Variants in DPP6 observed in about 807,000 individuals in gnomAD.
DPP6 encodes the protein A-type potassium channel modulatory protein DPP6.
Under a neutral mutation model 122.6 loss-of-function variants are expected in DPP6, and 69 were observed. The observed-to-expected ratio is 0.56, with a 90% confidence interval of 0.46 to 0.69. DPP6 has a LOEUF of 0.69. Ranked by LOEUF, DPP6 falls within the 30% of genes least tolerant of loss-of-function variation. The pLI is 0.00. For synonymous variants in DPP6, 418 were observed against 433.1 expected (o/e 0.97, Z 0.43); for missense variants, 928 against 1,116.9 (o/e 0.83, Z 2.41).
chr7:154,107,356 A>G (rs373837624), intron 1 of DPP6, among the ~76,000 whole-genome samples: 352 of 152,322 alleles, frequency 2.3e-3, no homozygotes, highest in African/African-American at 7.8e-3. Context: ...ATACCACATT[A>G]TGTCACTTGT....
At chr7:154,117,699 C>T (rs1442524804) in intron 1 of DPP6, among the ~76,000 whole-genome samples, 1 of 152,034 alleles carries the variant, frequency 6.6e-6, no homozygotes, top group Non-Finnish European at 1.5e-5. Context: ...GAGACTGCTG[C>T]TTAATGAGTG....
At chr7:153,876,404 TCACACACACACA>T in the DPP6 span, among the ~76,000 whole-genome samples, 2 of 150,660 alleles carry the variant, frequency 1.3e-5, no homozygotes, top group East Asian at 3.9e-4. Context: ...TGAAAACAAA[TCACACACACACA>T]CACACACACA....
At position 154,394,737 on chromosome 7, in the gene DPP6, G is replaced by A. The variant is rs537297341; in HGVS notation, c.244-51477G>A. Among the ~76,000 whole-genome samples, 40 of 152,160 alleles carry A rather than the reference G, an allele frequency of 2.6e-4. 1 individual carries two copies. The highest frequency in any genetic ancestry group is 1.9e-3 in the South Asian group (9 of 4,818). ...TCATAGTTTTAGATCTTACATTTAG[G>A]TCTTTGATCCATTTTGAGTTAATTT... On this transcript the variant is annotated intron_variant, in intron 1 of 25. Transcript: ENST00000377770.
At chr7:153,982,895 G>T (rs1037970852) in intron 1 of DPP6, among the ~76,000 whole-genome samples, 5 of 152,210 alleles carry the variant, frequency 3.3e-5, no homozygotes, top group African/African-American at 1.2e-4. Flanking sequence ...AGCAAAGATT[G>T]CTGCCTGCTT....
At chr7:153,926,732 A>G (rs1175720901) in intron 1 of DPP6, among the ~76,000 whole-genome samples, 4 of 152,042 alleles carry the variant, frequency 2.6e-5, no homozygotes, top group Non-Finnish European at 5.9e-5. Context: ...GCCGATTAGA[A>G]TTTCTCCCTA....
rs1798506171 is a variant in DPP6, at chr7:154,803,541, A to C, written c.1408-323A>C. Reference sequence around the variant, plus strand: ...TTAGATTTACAAATGAAAAAGGCCTATAAAGCATTGATTCTCCTCCTGAGA... The same window carrying C: ...TTAGATTTACAAATGAAAAAGGCCTCTAAAGCATTGATTCTCCTCCTGAGA... On this transcript the variant is annotated intron_variant, in intron 13 of 25. Transcript: ENST00000377770. Among the ~76,000 whole-genome samples the C allele has an allele frequency of 2.0e-5, 3 of 152,200 alleles. No individual in the cohort carries two copies. In the South Asian group the frequency reaches 6.2e-4, roughly 31 times the overall value.
At chr7:154,867,955 A>G (rs757272583) in intron 17 of DPP6, 40 bp from the exon 18 acceptor site, 8 of 1,553,292 alleles carry the variant, frequency 5.2e-6, no homozygotes, top group African/African-American at 2.7e-5. Context: ...TCCATGAGTG[A>G]CCACTGCATC....
chr7:154,347,810 TC>T (rs1810521749), intron 1 of DPP6, among the ~76,000 whole-genome samples: 1 of 152,294 alleles, frequency 6.6e-6, no homozygotes, highest in Admixed American at 6.5e-5. Context: ...TTTTCTTTTT[TC>T]CCCAATGGCT....
intron 5 of DPP6, among the ~76,000 whole-genome samples, chr7:154,609,664 C>T (rs75826176): frequency 0.014 from 2,070 of 152,296 alleles, 29 homozygotes; most frequent in Middle Eastern, 0.027. Context: ...CATGCTCACA[C>T]ACAGCACACA....
At chr7:153,766,886 C>T in the DPP6 span, among the ~76,000 whole-genome samples, 3 of 152,104 alleles carry the variant, frequency 2.0e-5, no homozygotes, top group Non-Finnish European at 4.4e-5. Flanking sequence ...GTCTTCTTCT[C>T]TTTAAGGTAT....
At chr7:154,426,827 A>C (rs1371564638) in intron 1 of DPP6, among the ~76,000 whole-genome samples, 2 of 152,070 alleles carry the variant, frequency 1.3e-5, no homozygotes, top group African/African-American at 2.4e-5. Flanking sequence ...AAAAAAAAAA[A>C]AAAACTGAGC....
intron 1 of DPP6, among the ~76,000 whole-genome samples, chr7:154,353,438 G>A (rs1180539793): frequency 3.9e-5 from 6 of 152,008 alleles, no homozygotes; most frequent in East Asian, 1.9e-4. Flanking sequence ...AAGAGTGCAC[G>A]CTGAGTTCAT....
intron 18 of DPP6, among the ~76,000 whole-genome samples, chr7:154,870,939 G>A (rs1341626324): frequency 7.0e-6 from 1 of 143,468 alleles, no homozygotes; most frequent in South Asian, 2.2e-4. Flanking sequence ...CTCCAGCATG[G>A]GTGACAGAAT....
chr7:154,707,428 A>C (rs1840896323), intron 7 of DPP6, among the ~76,000 whole-genome samples: 3 of 152,202 alleles, frequency 2.0e-5, no homozygotes, highest in South Asian at 4.1e-4. Context: ...AGAACCAAGC[A>C]TTCTGGATTT....
chr7:154,671,109 A>G (rs1838523995), intron 7 of DPP6, among the ~76,000 whole-genome samples: 1 of 152,234 alleles, frequency 6.6e-6, no homozygotes, highest in African/African-American at 2.4e-5. Context: ...AAAAAATGCA[A>G]TTTGATAAGA....
chr7:153,855,691 C>CT, the DPP6 span, among the ~76,000 whole-genome samples: 2 of 152,080 alleles, frequency 1.3e-5, no homozygotes, highest in African/African-American at 2.4e-5. Flanking sequence ...TTGGGCACAC[C>CT]TCAACACTCA....
In DPP6 at chr7:154,881,007, G is replaced by A. The variant is rs3817519; in HGVS notation, c.2133+65G>A. On this transcript the variant is annotated intron_variant, in intron 21 of 25. Transcript: ENST00000377770. ...CAGTGTGGCCTGCACCATTACCCAC[G>A]TCTAATCCTGATTTATTGAGAACGT... 496,603 of 1,560,594 alleles carry A rather than the reference G, an allele frequency of 0.32. 82,692 individuals are homozygous for A. The highest frequency in any genetic ancestry group is 0.53 in the Admixed American group (28,925 of 55,022).
At chr7:154,054,557 C>T (rs1800656962) in intron 1 of DPP6, among the ~76,000 whole-genome samples, 1 of 152,178 alleles carries the variant, frequency 6.6e-6, no homozygotes, top group Non-Finnish European at 1.5e-5. Context: ...TGCATCGTTT[C>T]CAGACTCCCC....
intron 1 of DPP6, among the ~76,000 whole-genome samples, chr7:154,045,048 T>C (rs986742825): frequency 2.0e-5 from 3 of 152,210 alleles, no homozygotes; most frequent in African/African-American, 7.2e-5. Context: ...ACCATATCTT[T>C]GCCTTTGCTT....
Sources: gnomAD v4.1 joint callset for allele counts (sites outside exome capture counted in the v4.1 genomes callset) on GRCh38, gnomAD v4.1.1 for gene constraint, MANE v1.5 for transcripts, NCBI Gene and HGNC (gene_info 2026-07-23, HGNC 2026-07-21) for gene names.